SLC30A8: variants seen among roughly 807,000 people sequenced by gnomAD.
SLC30A8 encodes the protein solute carrier family 30 member 8, also known as proton-coupled zinc antiporter SLC30A8.
SLC30A8 carries 27 observed loss-of-function variants against 36.9 expected under a neutral mutation model. The observed-to-expected ratio is 0.73, with a 90% CI of 0.54 to 1.01. SLC30A8 has a LOEUF of 1.01. SLC30A8 is among the 50% of genes least tolerant of loss of function. The probability of loss-of-function intolerance (pLI) is 0.00; values close to 1 mark genes in which losing one functional copy is unlikely to be tolerated. For synonymous variants in SLC30A8, 164 were observed against 172.4 expected, an observed-to-expected ratio of 0.95 and a Z score of 0.38; for missense variants, 439 against 452.0, an observed-to-expected ratio of 0.97 and a Z score of 0.26.
intron 2 of SLC30A8, among the ~76,000 whole-genome samples, chr8:117,046,831 T>G (rs1817568151): frequency 1.3e-5 from 2 of 152,264 alleles, no homozygotes; most frequent in South Asian, 4.1e-4. Flanking sequence ...CCCATGACTT[T>G]AGCTTGCCAT....
chr8:117,146,978 G>A lies in SLC30A8; in HGVS notation c.96G>A (p.Val32=), dbSNP rs1241812840. The change falls in exon 2 of 8, where the codon GTG becomes GTA. Residue 32 remains valine (V), a synonymous_variant. Transcript: ENST00000456015. The part of the protein sequence containing the change: ...LESVELQQKP[V]NKDQCPRERP... ...GTGTGGAACTCCAACAGAAACCGGT[G>A]AATAAAGATCAGTGTCCCAGAGAGA... is the stretch of plus-strand genomic sequence containing the variant. The A allele has an allele frequency of 1.2e-6, 2 of 1,613,878 alleles. No homozygotes were observed. The highest frequency in any genetic ancestry group is 1.6e-4 in the Middle Eastern group (1 of 6,080).
intron 6 of SLC30A8, among the ~76,000 whole-genome samples, chr8:117,167,909 C>G (rs1440764548): frequency 6.6e-6 from 1 of 152,030 alleles, no homozygotes; most frequent in African/African-American, 2.4e-5. Flanking sequence ...GTTTAATGGA[C>G]TCACCGTTTC....
intron 2 of SLC30A8, among the ~76,000 whole-genome samples, chr8:117,122,663 A>G (rs1159954474): frequency 6.6e-6 from 1 of 151,912 alleles, no homozygotes; most frequent in East Asian, 1.9e-4. Context: ...TGTCTTATTC[A>G]CTTTTAGTGG....
At position 117,174,446 on chromosome 8, in the gene SLC30A8, T is replaced by C. The variant is rs1477442664; in HGVS notation, c.*1765T>C. 2.6e-5 allele frequency: 4 copies of C among 152,566 alleles called. No individual in the cohort carries two copies. Among genetic ancestry groups the C allele is most frequent in the Non-Finnish European group, 5.9e-5 (4 of 68,024 alleles). The allele number at this position is 152,566 out of a possible 1,614,324, so 9.5% of individuals were successfully genotyped here. On this transcript the variant is annotated 3_prime_UTR_variant, in exon 8 of 8. Transcript: ENST00000456015. ...TTTCCCTGCTCAGTAGAGACAAATA[T>C]ACTCATCCCCCACCTCAGTGAGCTT...
intron 1 of SLC30A8, among the ~76,000 whole-genome samples, chr8:117,025,368 TCAGC>T (rs1816841539): frequency 6.6e-6 from 1 of 152,208 alleles, no homozygotes; most frequent in Non-Finnish European, 1.5e-5. Flanking sequence ...AAAAGAGTAG[TCAGC>T]ATTTCTAGAT....
intron 6 of SLC30A8, among the ~76,000 whole-genome samples, chr8:117,165,782 G>A (rs1333927557): frequency 3.9e-5 from 6 of 152,148 alleles, no homozygotes; most frequent in Non-Finnish European, 8.8e-5. Context: ...TATACACAAT[G>A]GAATACTATT....
chr8:117,094,284 G>T (rs1351354859), intron 2 of SLC30A8, among the ~76,000 whole-genome samples: 4 of 152,240 alleles, frequency 2.6e-5, no homozygotes, highest in Non-Finnish European at 5.9e-5. Context: ...TGTCCAGGAA[G>T]AATGAAGTAC....
chr8:117,147,515 C>T (rs946720896), intron 2 of SLC30A8: 2 of 188,500 alleles, frequency 1.1e-5, no homozygotes, highest in East Asian at 1.3e-4. Flanking sequence ...TAATATGCTC[C>T]ACTGTAATTT....
chr8:117,133,672 A>G (rs1821229384), upstream of SLC30A8, among the ~76,000 whole-genome samples: 1 of 152,106 alleles, frequency 6.6e-6, no homozygotes, highest in Non-Finnish European at 1.5e-5. Context: ...ACTATTCACA[A>G]ATGATTCAAG....
At chr8:117,056,433 G>A (rs2130779846) in intron 2 of SLC30A8, among the ~76,000 whole-genome samples, 1 of 152,280 alleles carries the variant, frequency 6.6e-6, no homozygotes, top group East Asian at 1.9e-4. Flanking sequence ...CGTCCCTATT[G>A]TAAGGCATGG....
At chr8:117,169,812 C>T (rs928758507) in intron 6 of SLC30A8, among the ~76,000 whole-genome samples, 4 of 152,156 alleles carry the variant, frequency 2.6e-5, no homozygotes, top group South Asian at 2.1e-4. Flanking sequence ...CACTCATCAT[C>T]GCAAAGACAG....
chr8:117,134,377 A>G (rs1821265880), upstream of SLC30A8, among the ~76,000 whole-genome samples: 1 of 151,962 alleles, frequency 6.6e-6, no homozygotes, highest in South Asian at 2.1e-4. Flanking sequence ...CCCACACACA[A>G]ATGCCTACTG....
intron 2 of SLC30A8, among the ~76,000 whole-genome samples, chr8:117,118,436 C>T (rs1024468239): frequency 6.6e-6 from 1 of 151,926 alleles, no homozygotes; most frequent in Non-Finnish European, 1.5e-5. Flanking sequence ...GACTGATACT[C>T]TTAAAATAAT....
intron 1 of SLC30A8, among the ~76,000 whole-genome samples, chr8:116,960,851 T>C (rs1281455601): frequency 6.6e-6 from 1 of 152,202 alleles, no homozygotes; most frequent in Non-Finnish European, 1.5e-5. Context: ...AAATCTCCTC[T>C]TTAATTTTCA....
intron 2 of SLC30A8, among the ~76,000 whole-genome samples, chr8:117,115,281 C>T (rs968265692): frequency 1.3e-5 from 2 of 151,974 alleles, no homozygotes; most frequent in Non-Finnish European, 2.9e-5. Flanking sequence ...GCAGGAGGAA[C>T]TGCTCTAGTT....
At chr8:117,024,151 A>C (rs1251040204) in intron 1 of SLC30A8, among the ~76,000 whole-genome samples, 1 of 152,210 alleles carries the variant, frequency 6.6e-6, no homozygotes, top group African/African-American at 2.4e-5. Flanking sequence ...TTATCTGATA[A>C]AACTACCTAG....
intron 2 of SLC30A8, among the ~76,000 whole-genome samples, chr8:117,097,001 G>T (rs1356390964): frequency 1.3e-5 from 2 of 152,014 alleles, no homozygotes; most frequent in Non-Finnish European, 2.9e-5. Context: ...CTAGTGGGGA[G>T]GCAGAAAATA....
chr8:117,098,499 G>T (rs1330846977), intron 2 of SLC30A8, among the ~76,000 whole-genome samples: 1 of 152,114 alleles, frequency 6.6e-6, no homozygotes, highest in Non-Finnish European at 1.5e-5. Context: ...CCACGGATGC[G>T]TGTCTGGGAT....
intron 1 of SLC30A8, among the ~76,000 whole-genome samples, chr8:116,988,330 A>G (rs7016307): frequency 0.032 from 4,881 of 152,250 alleles, 246 homozygotes; most frequent in African/African-American, 0.11. Flanking sequence ...GTCAACTGAT[A>G]CCGTTAAGTA....
Sources: gnomAD v4.1 joint callset for allele counts (sites outside exome capture counted in the v4.1 genomes callset) on GRCh38, gnomAD v4.1.1 for gene constraint, MANE v1.5 for transcripts, NCBI Gene and HGNC (gene_info 2026-07-23, HGNC 2026-07-21) for gene names.